The following CYP2C18 variants were observed in gnomAD, a reference collection of about 807,000 sequenced individuals.
CYP2C18 encodes cytochrome P450 family 2 subfamily C member 18.
A neutral mutation model predicts 41.3 loss-of-function variants in CYP2C18; 38 were observed. The observed-to-expected ratio is 0.92, with a 90% CI of 0.71 to 1.21. The LOEUF is 1.21. CYP2C18 is among the 50% of genes most tolerant of loss of function. CYP2C18 has a pLI of 0.00. For synonymous variants in CYP2C18, 236 were observed against 210.0 expected (o/e 1.12, Z -1.07); for missense variants, 635 against 591.4 (o/e 1.07, Z -0.77).
Position 94,735,270 on chromosome 10 carries a change from G to T in CYP2C18, c.1299G>T (p.Arg433=). ...TATGTCTCTTATTTTCAGGAAAACG[G>T]ATGTGTATGGGAGAGGGCCTGGCCC... ...DYFMPFSAGK[R]MCMGEGLARM... The change falls in exon 9 of 9, where the codon CGG becomes CGT. Residue 433 remains arginine (R), a synonymous_variant. Transcript: ENST00000285979. 1 of 1,613,372 alleles carries T rather than the reference G, an allele frequency of 6.2e-7. No homozygotes were observed.
At chr10:94,690,276 G>C (rs1052061647) in intron 3 of CYP2C18, among the ~76,000 whole-genome samples, 5 of 152,088 alleles carry the variant, frequency 3.3e-5, no homozygotes, top group Non-Finnish European at 5.9e-5. Context: ...GTCATAATGA[G>C]TCTGGTTTTC....
intron 4 of CYP2C18, among the ~76,000 whole-genome samples, chr10:94,698,636 A>C (rs2134183899): frequency 6.6e-6 from 1 of 152,310 alleles, no homozygotes; most frequent in Middle Eastern, 3.4e-3. Flanking sequence ...AGATCAGAGC[A>C]GAACTGAAGG....
At chr10:94,710,508 G>T (rs1847416823) in intron 5 of CYP2C18, among the ~76,000 whole-genome samples, 1 of 152,180 alleles carries the variant, frequency 6.6e-6, no homozygotes, top group African/African-American at 2.4e-5. Flanking sequence ...TCCAATAGAT[G>T]AACATGGGAT....
At chr10:94,709,965 T>C (rs1847408049) in intron 5 of CYP2C18, among the ~76,000 whole-genome samples, 1 of 152,178 alleles carries the variant, frequency 6.6e-6, no homozygotes, top group Non-Finnish European at 1.5e-5. Flanking sequence ...TATAGCTTTC[T>C]TTATGCCAGT....
chr10:94,698,995 C>G (rs541990886), intron 4 of CYP2C18, among the ~76,000 whole-genome samples: 20 of 152,186 alleles, frequency 1.3e-4, no homozygotes, highest in Admixed American at 3.9e-4. Context: ...TAATAACTTA[C>G]CAACCAAAAA....
chr10:94,702,379 A>G (rs1342317021), intron 4 of CYP2C18, among the ~76,000 whole-genome samples: 1 of 152,014 alleles, frequency 6.6e-6, no homozygotes, highest in Non-Finnish European at 1.5e-5. Flanking sequence ...CCAATCAAAC[A>G]TATGTTTGGT....
At chr10:94,726,652 C>T (rs778122591) in intron 7 of CYP2C18, among the ~76,000 whole-genome samples, 23 of 151,972 alleles carry the variant, frequency 1.5e-4, no homozygotes, top group Non-Finnish European at 3.1e-4. Flanking sequence ...AATAAACATA[C>T]GAAACACAGT....
intron 4 of CYP2C18, among the ~76,000 whole-genome samples, chr10:94,701,197 TA>T (rs1847236524): frequency 6.6e-6 from 1 of 152,194 alleles, no homozygotes; most frequent in African/African-American, 2.4e-5. Flanking sequence ...TTATTCACAA[TA>T]GCAAAGACTT....
At chr10:94,733,465 C>T (rs1847869230) in intron 8 of CYP2C18, 27 bp downstream of exon 8, 2 of 1,611,450 alleles carry the variant, frequency 1.2e-6, no homozygotes, top group African/African-American at 2.7e-5. Flanking sequence ...TCCATCTGTC[C>T]TTCAGGGCAC....
intron 5 of CYP2C18, among the ~76,000 whole-genome samples, chr10:94,712,452 G>C (rs915374095): frequency 1.2e-4 from 18 of 150,586 alleles, no homozygotes; most frequent in African/African-American, 4.4e-4. Context: ...TTGTTTTCCT[G>C]TTCCTGACCT....
chr10:94,730,225 A>G (rs935723127), intron 7 of CYP2C18, among the ~76,000 whole-genome samples: 2 of 152,200 alleles, frequency 1.3e-5, no homozygotes, highest in Non-Finnish European at 2.9e-5. Flanking sequence ...TCCCATACTC[A>G]TAAATGAAAA....
chr10:94,695,184 G>A lies in CYP2C18; in HGVS notation c.642+107G>A, dbSNP rs372835223. On this transcript the variant is annotated intron_variant, in intron 4 of 8. Coordinates refer to ENST00000285979, the MANE Select transcript of CYP2C18 (RefSeq NM_000772.3). ...ATACTTTAAGTTCTGGGATATGTGTGCAGAATGGGCAGGTTTGTCACATGG... is the reference window on the plus strand; with the variant it reads ...ATACTTTAAGTTCTGGGATATGTGTACAGAATGGGCAGGTTTGTCACATGG... 5 of 1,015,750 alleles carry A rather than the reference G, an allele frequency of 4.9e-6. No homozygotes were observed. The East Asian group carries it at 1.1e-4, about 21-fold the overall frequency. The allele number at this position is 1,015,750 out of a possible 1,614,324, so 62.9% of individuals were successfully genotyped here.
At chr10:94,713,168 T>G (rs12781477) in intron 5 of CYP2C18, among the ~76,000 whole-genome samples, 26,813 of 151,870 alleles carry the variant, frequency 0.18, 2,610 homozygotes, top group South Asian at 0.33. Flanking sequence ...CCAATGTTAT[T>G]TTTTCTCATA....
chr10:94,723,669 T>C (rs1847685238), intron 6 of CYP2C18, among the ~76,000 whole-genome samples: 1 of 152,142 alleles, frequency 6.6e-6, no homozygotes, highest in Non-Finnish European at 1.5e-5. Context: ...GGGGGAAGTG[T>C]GAATGTGTGT....
chr10:94,694,648 G>A (rs1222262999), intron 3 of CYP2C18, among the ~76,000 whole-genome samples: 1 of 152,036 alleles, frequency 6.6e-6, no homozygotes, highest in African/African-American at 2.4e-5. Flanking sequence ...AAAATAACAG[G>A]CATCTTGGGT....
rs556731687 is a variant in CYP2C18 at position 94,691,950 on chromosome 10, C to T, written c.482-2967C>T. Among the ~76,000 whole-genome samples the T allele has an allele frequency of 1.4e-4, 21 of 152,190 alleles. 1 individual carries two copies. The highest frequency in any genetic ancestry group is 3.9e-4 in the East Asian group (2 of 5,182). On this transcript the variant is annotated intron_variant, in intron 3 of 8. Coordinates refer to ENST00000285979, the MANE Select transcript of CYP2C18 (RefSeq NM_000772.3). The stretch of plus-strand genomic sequence containing the variant: ...AGGATTCCCTATTTAATAAATGGTG[C>T]TGGGAAAACTGGCTAGCCATATGTA...
intron 6 of CYP2C18, among the ~76,000 whole-genome samples, chr10:94,722,864 G>A (rs1056501389): frequency 6.6e-5 from 10 of 152,078 alleles, no homozygotes; most frequent in African/African-American, 2.4e-4. Context: ...CTAAAATACA[G>A]CAGCCAGGTG....
chr10:94,732,559 T>C (rs1847851499), intron 7 of CYP2C18, among the ~76,000 whole-genome samples: 1 of 152,006 alleles, frequency 6.6e-6, no homozygotes. Context: ...TGGCAAAGGA[T>C]TGGAATCATC....
chr10:94,707,377 A>G (rs997989182), intron 5 of CYP2C18, among the ~76,000 whole-genome samples: 5 of 152,102 alleles, frequency 3.3e-5, no homozygotes, highest in Non-Finnish European at 7.4e-5. Flanking sequence ...GGGGCAGTCA[A>G]TTTTTTGGTG....
Sources: gnomAD v4.1 joint callset for allele counts (sites outside exome capture counted in the v4.1 genomes callset) on GRCh38, gnomAD v4.1.1 for gene constraint, MANE v1.5 for transcripts, NCBI Gene and HGNC (gene_info 2026-07-23, HGNC 2026-07-21) for gene names.